Variants in LRMDA observed in about 807,000 individuals in gnomAD.
The protein encoded by LRMDA is leucine-rich melanocyte differentiation-associated protein.
In LRMDA, 18 loss-of-function variants were observed where a neutral mutation model predicts 29.8. The ratio of observed to expected loss-of-function variants is 0.60; its 90% CI spans 0.42 to 0.90. LRMDA has a LOEUF of 0.90. Among genes scored for constraint, LRMDA ranks in the 40% least tolerant of loss-of-function variants. The probability of loss-of-function intolerance (pLI) is 0.00; values close to 1 mark genes in which losing one functional copy is unlikely to be tolerated. For synonymous variants in LRMDA, 125 were observed against 109.4 expected, an observed-to-expected ratio of 1.14 and a Z score of -0.89; for missense variants, 273 against 273.9, an observed-to-expected ratio of 1.00 and a Z score of 0.02.
At chr10:76,480,874 T>C (rs1179949358) in intron 6 of LRMDA, among the ~76,000 whole-genome samples, 5 of 151,924 alleles carry the variant, frequency 3.3e-5, no homozygotes, top group Non-Finnish European at 7.4e-5. Context: ...GTTCGAAGAA[T>C]ACCTTAAAGG....
At chr10:75,584,076 T>A (rs913845218) in intron 2 of LRMDA, among the ~76,000 whole-genome samples, 3 of 152,198 alleles carry the variant, frequency 2.0e-5, no homozygotes, top group Non-Finnish European at 4.4e-5. Context: ...TTTCGCCTGT[T>A]CTTCCCTGCC....
intron 2 of LRMDA, among the ~76,000 whole-genome samples, chr10:75,453,299 G>C (rs944569235): frequency 1.3e-5 from 2 of 152,194 alleles, no homozygotes; most frequent in African/African-American, 4.8e-5. Context: ...TCTCTACCTA[G>C]CTGCTGGTTT....
intron 2 of LRMDA, among the ~76,000 whole-genome samples, chr10:75,874,555 G>A (rs1332295894): frequency 2.0e-5 from 3 of 152,162 alleles, no homozygotes; most frequent in Admixed American, 6.5e-5. Context: ...ACCCTACTTC[G>A]TGAATGAGGA....
chr10:76,215,297 A>T (rs1851709420), intron 5 of LRMDA, among the ~76,000 whole-genome samples: 1 of 152,120 alleles, frequency 6.6e-6, no homozygotes, highest in Non-Finnish European at 1.5e-5. Context: ...AGCAAGTTTC[A>T]TTTTGAGGGA....
chr10:76,009,699 C>T (rs908731128), intron 2 of LRMDA, among the ~76,000 whole-genome samples: 1 of 152,178 alleles, frequency 6.6e-6, no homozygotes, highest in Non-Finnish European at 1.5e-5. Context: ...GTGGTCATCT[C>T]GGCCAGACTG....
intron 2 of LRMDA, among the ~76,000 whole-genome samples, chr10:75,949,087 C>G (rs952976029): frequency 6.6e-6 from 1 of 151,960 alleles, no homozygotes; most frequent in Non-Finnish European, 1.5e-5. Flanking sequence ...TATTCTCCTT[C>G]TTTTAAAAAA....
chr10:75,437,927 A>G (rs1028225083), intron 1 of LRMDA, among the ~76,000 whole-genome samples: 1 of 152,172 alleles, frequency 6.6e-6, no homozygotes, highest in Non-Finnish European at 1.5e-5. Flanking sequence ...TATTTGTTCC[A>G]GCACCCTGAA....
At chr10:76,393,763 A>C (rs956260450) in intron 6 of LRMDA, among the ~76,000 whole-genome samples, 1 of 152,126 alleles carries the variant, frequency 6.6e-6, no homozygotes, top group African/African-American at 2.4e-5. Context: ...GTTTTCCCCT[A>C]TGTTTCCTTC....
At chr10:76,164,558 G>T (rs1334776712) in intron 5 of LRMDA, among the ~76,000 whole-genome samples, 3 of 152,132 alleles carry the variant, frequency 2.0e-5, no homozygotes, top group Non-Finnish European at 4.4e-5. Context: ...AAGAATATTT[G>T]AGATATGTGG....
chr10:76,036,774 C>T (rs546469645), intron 3 of LRMDA, among the ~76,000 whole-genome samples: 3 of 152,220 alleles, frequency 2.0e-5, no homozygotes, highest in African/African-American at 4.8e-5. Context: ...GACTTACGGG[C>T]ACTAACTGCT....
At chr10:76,424,882 C>T (rs550849694) in intron 6 of LRMDA, among the ~76,000 whole-genome samples, 55 of 152,144 alleles carry the variant, frequency 3.6e-4, no homozygotes, top group Non-Finnish European at 6.3e-4. Flanking sequence ...GACTAAAAAG[C>T]GCCAGCAAGT....
chr10:75,485,733 A>G lies in LRMDA; in HGVS notation c.131+47239A>G, dbSNP rs146574982. 8.7e-3 allele frequency among the ~76,000 whole-genome samples: 1,325 copies of G among 152,274 alleles called. 16 individuals carry two copies. The highest frequency in any genetic ancestry group is 0.025 in the African/African-American group (1,044 of 41,542). ...GCTGGGATTACAGGCATGTGCCACC[A>G]TGCCTAGCTAATTTTTGTATGTTTA... On this transcript the variant is annotated intron_variant, in intron 2 of 6. Coordinates refer to ENST00000611255, the MANE Select transcript of LRMDA (RefSeq NM_001305581.2).
chr10:76,505,644 G>A (rs1227415802), intron 6 of LRMDA, among the ~76,000 whole-genome samples: 1 of 151,854 alleles, frequency 6.6e-6, no homozygotes, highest in African/African-American at 2.4e-5. Flanking sequence ...TGGCTATTTT[G>A]TCTTTTAGCT....
intron 6 of LRMDA, among the ~76,000 whole-genome samples, chr10:76,441,107 A>T (rs946717423): frequency 3.9e-5 from 6 of 152,082 alleles, no homozygotes; most frequent in Admixed American, 2.0e-4. Context: ...TTTACAGAGG[A>T]GGGAACACAC....
chr10:75,954,150 C>T (rs1219328958), intron 2 of LRMDA, among the ~76,000 whole-genome samples: 2 of 152,202 alleles, frequency 1.3e-5, no homozygotes. Context: ...TGAATTCTGC[C>T]TGCCACCTGA....
At chr10:76,137,674 T>A (rs1219170100) in intron 5 of LRMDA, among the ~76,000 whole-genome samples, 1 of 151,740 alleles carries the variant, frequency 6.6e-6, no homozygotes, top group Non-Finnish European at 1.5e-5. Context: ...GATGTCACAA[T>A]GCTCAACAAA....
intron 5 of LRMDA, among the ~76,000 whole-genome samples, chr10:76,071,883 A>G (rs1848881554): frequency 6.6e-6 from 1 of 152,202 alleles, no homozygotes; most frequent in African/African-American, 2.4e-5. Flanking sequence ...CTTACATGAC[A>G]TTTAATATGT....
chr10:76,257,443 C>T (rs1421819269), intron 5 of LRMDA, among the ~76,000 whole-genome samples: 3 of 151,508 alleles, frequency 2.0e-5, no homozygotes, highest in African/African-American at 7.3e-5. Context: ...AAGCAATTCT[C>T]CTGCCTCAGC....
chr10:75,953,958 CA>C (rs1846621605), intron 2 of LRMDA, among the ~76,000 whole-genome samples: 1 of 152,164 alleles, frequency 6.6e-6, no homozygotes, highest in African/African-American at 2.4e-5. Context: ...GAACTTTCTT[CA>C]CCTGGTTGAA....
Sources: allele counts gnomAD v4.1 joint callset (sites outside exome capture counted in the v4.1 genomes callset), GRCh38; gene constraint gnomAD v4.1.1; transcripts MANE v1.5; gene names NCBI Gene and HGNC (gene_info 2026-07-23, HGNC 2026-07-21).